The following CES4A variants were observed in gnomAD, a reference collection of about 807,000 sequenced individuals.
CES4A encodes carboxylesterase 4A.
CES4A carries 48 observed loss-of-function variants against 65.4 expected under a neutral mutation model. That is an observed-to-expected ratio of 0.73 (90% CI 0.58 to 0.93). The LOEUF is 0.93. Ranked by LOEUF, CES4A falls within the 40% of genes least tolerant of loss-of-function variation. The pLI is 0.00. For synonymous variants in CES4A, 247 were observed against 281.8 expected (o/e 0.88, Z 1.24); for missense variants, 685 against 728.5 (o/e 0.94, Z 0.69).
At chr16:67,006,152 T>G in intron 11 of CES4A, 1 of 496,544 alleles carries the variant, frequency 2.0e-6, no homozygotes, top group Non-Finnish European at 3.6e-6. Context: ...TCCTGTGAAT[T>G]AGGTTTTAGT....
chr16:67,003,507 C>T lies in CES4A; in HGVS notation c.901-8C>T. The T allele has an allele frequency of 6.2e-7, 1 of 1,613,010 alleles. No individual in the cohort carries two copies. The highest frequency in any genetic ancestry group is 1.3e-5 in the African/African-American group (1 of 75,024). On this transcript the variant is annotated splice_polypyrimidine_tract_variant and splice_region_variant and intron_variant, in intron 7 of 13. Coordinates refer to ENST00000648724, the Ensembl canonical transcript of CES4A. The surrounding 1 kb of genome is among the most constrained non-coding windows in gnomAD (Gnocchi z 4.2). ...CCTTTAACTCTGATCCCTTCCTCTCCCCCATAGAGATTCCTCCAACTGAAC... is the reference window on the plus strand; with the variant it reads ...CCTTTAACTCTGATCCCTTCCTCTCTCCCATAGAGATTCCTCCAACTGAAC...
At chr16:67,006,464 T>C (rs1394856109) in exon 12 of CES4A, 2 of 1,536,572 alleles carry the variant, frequency 1.3e-6, no homozygotes. Context: ...CCCGCACTGA[T>C]GGGGCAGACC....
intron 12 of CES4A, 88 bp downstream of exon 12, chr16:67,006,607 G>T: frequency 6.4e-7 from 1 of 1,554,308 alleles, no homozygotes; most frequent in South Asian, 1.1e-5. Flanking sequence ...TGGCCACAGG[G>T]AGCTCACCAG....
intron 1 of CES4A, among the ~76,000 whole-genome samples, chr16:66,995,001 CTAAATAAA>C (rs532604362): frequency 1.3e-5 from 2 of 150,842 alleles, no homozygotes; most frequent in African/African-American, 2.4e-5. Flanking sequence ...AAGACCCCAT[CTAAATAAA>C]TAAATAAATA....
chr16:67,006,324 C>G, intron 11 of CES4A, 67 bp from the exon 12 acceptor site: 1 of 1,516,094 alleles, frequency 6.6e-7, no homozygotes, highest in Non-Finnish European at 8.8e-7. Context: ...GAGTGGGAGG[C>G]ATGGGGTGGA....
chr16:67,004,710 C>T (rs1965617275), intron 9 of CES4A, 83 bp from the exon 10 acceptor site: 1 of 1,107,888 alleles, frequency 9.0e-7, no homozygotes, highest in Non-Finnish European at 1.3e-6. Flanking sequence ...ATGGGCAAGA[C>T]CTTTGGGGCC....
chr16:66,988,852 G>A lies in CES4A; in HGVS notation c.58+22G>A, dbSNP rs764466760. ...TTGGGTAAGACCCCCACCCCTTCCC[G>A]AGAGTGTCAGGCAAGACGGGCACAA... On this transcript the variant is annotated intron_variant, in intron 1 of 13. Transcript: ENST00000648724. The A allele has an allele frequency of 6.4e-6, 10 of 1,553,202 alleles. No homozygotes were observed. In the East Asian group the frequency reaches 1.7e-4, roughly 26 times the overall value.
exon 14 of CES4A, chr16:67,009,046 TACC>T: frequency 6.2e-7 from 1 of 1,614,260 alleles, no homozygotes. Flanking sequence ...AGCTGGATTT[TACC>T]ACAAGAGTGG....
intron 2 of CES4A, among the ~76,000 whole-genome samples, chr16:66,999,540 GC>G (rs1486339171): frequency 6.6e-6 from 1 of 152,210 alleles, no homozygotes; most frequent in African/African-American, 2.4e-5. Flanking sequence ...GGTGGCTCAT[GC>G]CTATAATCCC....
rs766879741 is a variant in CES4A, at chr16:67,003,527, C to A, written c.913C>A (p.Leu305Met). 5.6e-6 allele frequency: 9 copies of A among 1,613,536 alleles called. No individual in the cohort carries two copies. The highest frequency in any genetic ancestry group is 2.2e-5 in the East Asian group (1 of 44,896). Reference sequence around the variant, plus strand: ...CTCTCCCCCATAGAGATTCCTCCAACTGAACTTCCAGAGAGACCCGGAAGA... The same window carrying A: ...CTCTCCCCCATAGAGATTCCTCCAAATGAACTTCCAGAGAGACCCGGAAGA... Residue 305 changes from leucine (L) to methionine (M), a missense_variant, in exon 8 of 14, where the codon CTG becomes ATG. Coordinates refer to ENST00000648724, the Ensembl canonical transcript of CES4A. This position sits in a 1 kb window ranked among gnomAD's most constrained non-coding sequence, Gnocchi z 4.2.
At chr16:66,990,957 A>T (rs747408002) in intron 1 of CES4A, among the ~76,000 whole-genome samples, 2 of 151,964 alleles carry the variant, frequency 1.3e-5, no homozygotes, top group Non-Finnish European at 2.9e-5. Flanking sequence ...CAGGGGAGAG[A>T]CCCAGAAGTG....
rs945424871 is a variant in CES4A at position 67,003,975 on chromosome 16, C to T, written c.940-109C>T. 2.5e-6 allele frequency: 3 copies of T among 1,181,014 alleles called. No homozygotes were observed. The highest frequency in any genetic ancestry group is 2.0e-5 in the Admixed American group (1 of 50,810). The allele number at this position is 1,181,014 out of a possible 1,614,324, so 73.2% of individuals were successfully genotyped here. A position where few individuals can be genotyped will look rare whatever the true frequency, so the allele number is the denominator to read the frequency against. On this transcript the variant is annotated intron_variant, in intron 8 of 13. Coordinates refer to ENST00000648724, the Ensembl canonical transcript of CES4A. This position sits in a 1 kb window ranked among gnomAD's most constrained non-coding sequence, Gnocchi z 4.2. ...CTCACCATGCCAGCCCCAGCCTTTT[C>T]CCAATCAAAGAACCTAGGCTAGAGC...
chr16:67,002,170 A>T (rs368796155), intron 5 of CES4A, among the ~76,000 whole-genome samples: 2 of 152,154 alleles, frequency 1.3e-5, no homozygotes, highest in Admixed American at 6.5e-5. Flanking sequence ...AGGAAAAAAA[A>T]ATTTTTTTTT....
chr16:66,994,183 C>T (rs778886262), intron 1 of CES4A, among the ~76,000 whole-genome samples: 128 of 151,474 alleles, frequency 8.5e-4, no homozygotes, highest in Non-Finnish European at 1.2e-3. Context: ...CATTAAATGA[C>T]GCAGAGAAAT....
Position 67,001,046 on chromosome 16 carries a change from G to C in CES4A, c.536+56G>C. ...GCTGTGGCCAGAGCGGCGGGGACTG[G>C]GTGGGAAGGGAGGGGCGGGGCCTGG... On this transcript the variant is annotated intron_variant, in intron 4 of 13. Coordinates refer to ENST00000648724, the Ensembl canonical transcript of CES4A. The surrounding 1 kb of genome is among the most constrained non-coding windows in gnomAD (Gnocchi z 4.1). The C allele has an allele frequency of 6.8e-7, 1 of 1,469,066 alleles. No homozygotes were observed. The highest frequency in any genetic ancestry group is 1.4e-5 in the African/African-American group (1 of 71,816). The allele number at this position is 1,469,066 out of a possible 1,614,324, so 91.0% of individuals were successfully genotyped here. A position where few individuals can be genotyped will look rare whatever the true frequency, so the allele number is the denominator to read the frequency against.
intron 9 of CES4A, 147 bp downstream of exon 9, chr16:67,004,371 G>T: frequency 1.2e-6 from 1 of 819,320 alleles, no homozygotes; most frequent in Non-Finnish European, 2.0e-6. Context: ...GGAGCCTCCT[G>T]TAGTCCCTGT....
In CES4A at chr16:67,006,381, C is replaced by G. The variant is rs543999559; in HGVS notation, c.1316-10C>G. 2.1e-5 allele frequency: 32 copies of G among 1,536,548 alleles called. No homozygotes were observed. The South Asian group carries it at 3.4e-4, about 17-fold the overall frequency. On this transcript the variant is annotated splice_polypyrimidine_tract_variant and intron_variant, in intron 11 of 13. Coordinates refer to ENST00000648724, the Ensembl canonical transcript of CES4A. ...TTTCCTGCATCCCTCCTCAGTTTCCCTATTCACAGATGCCGGCCTCCCTGT... is the reference window on the plus strand; with the variant it reads ...TTTCCTGCATCCCTCCTCAGTTTCCGTATTCACAGATGCCGGCCTCCCTGT...
chr16:67,003,587 A>G lies in CES4A; in HGVS notation c.939+34A>G, dbSNP rs748011775. On this transcript the variant is annotated intron_variant, in intron 8 of 13. Coordinates refer to ENST00000648724, the Ensembl canonical transcript of CES4A. This position sits in a 1 kb window ranked among gnomAD's most constrained non-coding sequence, Gnocchi z 4.2. Reference sequence around the variant, plus strand: ...GCCACATTCTGCAATTTGAGTATTTATTTAACACCTACTTTGTGCCAGGCA... The same window carrying G: ...GCCACATTCTGCAATTTGAGTATTTGTTTAACACCTACTTTGTGCCAGGCA... 4 of 1,563,534 alleles carry G rather than the reference A, an allele frequency of 2.6e-6. No individual in the cohort carries two copies. The highest frequency in any genetic ancestry group is 3.5e-6 in the Non-Finnish European group (4 of 1,134,170).
chr16:67,003,368 G>A lies in CES4A; in HGVS notation c.900+8G>A. The A allele has an allele frequency of 6.2e-7, 1 of 1,612,986 alleles. No individual in the cohort carries two copies. The highest frequency in any genetic ancestry group is 1.3e-5 in the African/African-American group (1 of 75,002). The stretch of plus-strand genomic sequence containing the variant: ...CGTGTGTCCAACAAGATGGTAGGTA[G>A]AACATTCCAGCTGCCTGACCTGGCT... On this transcript the variant is annotated splice_region_variant and intron_variant, in intron 7 of 13. Transcript: ENST00000648724. This position sits in a 1 kb window ranked among gnomAD's most constrained non-coding sequence, Gnocchi z 4.2.
Sources: gnomAD v4.1 joint callset for allele counts (sites outside exome capture counted in the v4.1 genomes callset) on GRCh38, gnomAD v4.1.1 for gene constraint, Gnocchi (gnomAD v3.1) non-coding constraint, MANE v1.5 for transcripts, NCBI Gene and HGNC (gene_info 2026-07-23, HGNC 2026-07-21) for gene names.